Variants in FBXO25 observed in about 807,000 individuals in gnomAD.
FBXO25 encodes the protein F-box only protein 25.
In FBXO25, 45 loss-of-function variants were observed where a neutral mutation model predicts 51.9. The observed-to-expected ratio is 0.87, with a 90% CI of 0.68 to 1.11. The LOEUF (loss-of-function observed/expected upper bound fraction) is 1.11. FBXO25 is among the 50% of genes most tolerant of loss of function. FBXO25 has a pLI of 0.00. For synonymous variants in FBXO25, 199 were observed against 151.0 expected, an observed-to-expected ratio of 1.32 and a Z score of -2.33; for missense variants, 507 against 428.5, an observed-to-expected ratio of 1.18 and a Z score of -1.62.
chr8:462,245 CT>C (rs1799862693), intron 8 of FBXO25, among the ~76,000 whole-genome samples: 1 of 152,168 alleles, frequency 6.6e-6, no homozygotes, highest in East Asian at 1.9e-4. Flanking sequence ...TCTAGAGCAT[CT>C]TTTCATGAGG....
At chr8:423,896 T>G (rs1797309498) in intron 2 of FBXO25, among the ~76,000 whole-genome samples, 1 of 152,212 alleles carries the variant, frequency 6.6e-6, no homozygotes, top group Non-Finnish European at 1.5e-5. Context: ...CTGGACTGAT[T>G]TACATTCCCG....
chr8:431,468 A>G (rs1467770476), intron 3 of FBXO25, 24 bp downstream of exon 3: 1 of 1,203,938 alleles, frequency 8.3e-7, no homozygotes, highest in Non-Finnish European at 1.2e-6. Context: ...CATTAATTTT[A>G]TTTTACTTGT....
At position 469,613 on chromosome 8, in the gene FBXO25, G is replaced by C. The variant is rs1313683217; in HGVS notation, c.*809G>C. The stretch of plus-strand genomic sequence containing the variant: ...TTTTGCATCCTACTGAGAAATGTTA[G>C]TGATTTTGATACTTAAATCCTTAAA... On this transcript the variant is annotated 3_prime_UTR_variant, in exon 10 of 10. Transcript: ENST00000350302. 1 of 152,190 alleles carries C rather than the reference G, an allele frequency of 6.6e-6. No homozygotes were observed. The highest frequency in any genetic ancestry group is 1.5e-5 in the Non-Finnish European group (1 of 68,036). 9.4% of individuals were successfully genotyped at this position (152,190 alleles called of 1,614,324 possible).
intron 9 of FBXO25, among the ~76,000 whole-genome samples, 192 bp downstream of exon 9, chr8:463,342 G>C (rs930805260): frequency 6.6e-6 from 1 of 152,224 alleles, no homozygotes; most frequent in Non-Finnish European, 1.5e-5. Flanking sequence ...AACCAGAAAC[G>C]CTGAAAACCA....
intron 9 of FBXO25, among the ~76,000 whole-genome samples, chr8:467,092 T>C (rs1241080160): frequency 6.6e-6 from 1 of 152,168 alleles, no homozygotes; most frequent in East Asian, 1.9e-4. Context: ...GAGGTGTCCA[T>C]GGTCTGGTGG....
At chr8:447,585 C>G (rs910385991) in intron 5 of FBXO25, among the ~76,000 whole-genome samples, 9 of 152,070 alleles carry the variant, frequency 5.9e-5, no homozygotes, top group African/African-American at 1.9e-4. Context: ...ATCCCAAATG[C>G]TTAGAACTGG....
At chr8:435,915 G>A (rs1585045222) in intron 5 of FBXO25, among the ~76,000 whole-genome samples, 1 of 152,182 alleles carries the variant, frequency 6.6e-6, no homozygotes, top group Admixed American at 6.5e-5. Context: ...AGGTTGCAGA[G>A]CCTCAGTGGG....
At chr8:454,614 G>A (rs1260095499) in intron 7 of FBXO25, among the ~76,000 whole-genome samples, 1 of 152,188 alleles carries the variant, frequency 6.6e-6, no homozygotes, top group Admixed American at 6.5e-5. Flanking sequence ...AGAATGGGCC[G>A]GGCGCGATGG....
intron 2 of FBXO25, among the ~76,000 whole-genome samples, chr8:413,868 G>C (rs956170467): frequency 2.6e-5 from 4 of 152,314 alleles, no homozygotes; most frequent in African/African-American, 7.2e-5. Flanking sequence ...CATGTGTCCA[G>C]ATAAAAACCA....
At chr8:458,899 T>C (rs1799629207) in intron 8 of FBXO25, among the ~76,000 whole-genome samples, 1 of 152,192 alleles carries the variant, frequency 6.6e-6, no homozygotes, top group Non-Finnish European at 1.5e-5. Flanking sequence ...TTGACCAAGC[T>C]GCACATCCTT....
chr8:466,599 C>CGACACCAT (rs998113652), intron 9 of FBXO25, among the ~76,000 whole-genome samples: 9 of 152,106 alleles, frequency 5.9e-5, no homozygotes, highest in African/African-American at 2.2e-4. Flanking sequence ...GGTCATGAGC[C>CGACACCAT]GACACCATGG....
intron 2 of FBXO25, among the ~76,000 whole-genome samples, chr8:423,076 A>C (rs1797250645): frequency 6.6e-6 from 1 of 152,192 alleles, no homozygotes; most frequent in Non-Finnish European, 1.5e-5. Context: ...AGCACTACTA[A>C]CTGAAAAGCC....
At chr8:443,057 C>G (rs1372437718) in intron 5 of FBXO25, among the ~76,000 whole-genome samples, 1 of 151,838 alleles carries the variant, frequency 6.6e-6, no homozygotes, top group Non-Finnish European at 1.5e-5. Context: ...ATGGCCATTT[C>G]CATTGAAGGA....
rs1800687862 is a variant in FBXO25, at chr8:477,826, T to TTAAAAATGTAAAAATCATTC, written c.*9024_*9043dup. On this transcript the variant is annotated 3_prime_UTR_variant, in exon 10 of 10. Coordinates refer to ENST00000350302, the MANE Select transcript of FBXO25 (RefSeq NM_183420.2). ...TTACCCTTTTACATCTTTTCACTAT[T>TTAAAAATGTAAAAATCATTC]TAAAAATGTAAAAATCATTCTTAAC... 2 of 152,262 alleles carry TTAAAAATGTAAAAATCATTC rather than the reference T, an allele frequency of 1.3e-5. No homozygotes were observed. The highest frequency in any genetic ancestry group is 4.8e-5 in the African/African-American group (2 of 41,470). The allele number at this position is 152,262 out of a possible 1,614,324, so 9.4% of individuals were successfully genotyped here.
At position 451,320 on chromosome 8, in the gene FBXO25, T is replaced by G; in HGVS notation, c.527T>G (p.Leu176Arg). The G allele has an allele frequency of 6.2e-7, 1 of 1,613,088 alleles. No individual in the cohort carries two copies. The highest frequency in any genetic ancestry group is 8.5e-7 in the Non-Finnish European group (1 of 1,179,728). The change falls in exon 7 of 10, where the codon CTA becomes CGA. Residue 176 changes from leucine (L) to arginine (R), a missense_variant. Transcript: ENST00000350302. ...TTAATCAAAGATCTTCTGCAAGACC[T>G]AAGCTCTACCCTCTGCATTCTTATT... ...PRLIKDLLQD[L>R]SSTLCILIRG...
intron 2 of FBXO25, among the ~76,000 whole-genome samples, chr8:423,330 G>T (rs1174208017): frequency 3.3e-5 from 5 of 152,188 alleles, no homozygotes; most frequent in African/African-American, 4.8e-5. Context: ...GATACAGGGG[G>T]TCCATGTACA....
At chr8:444,707 G>A (rs1310055944) in intron 5 of FBXO25, among the ~76,000 whole-genome samples, 1 of 152,200 alleles carries the variant, frequency 6.6e-6, no homozygotes, top group East Asian at 1.9e-4. Context: ...GACCGACCGC[G>A]TGTAGTGTCG....
intron 5 of FBXO25, among the ~76,000 whole-genome samples, chr8:436,765 A>C (rs1480509160): frequency 6.6e-6 from 1 of 152,248 alleles, no homozygotes; most frequent in East Asian, 1.9e-4. Context: ...TCTGTTTAGC[A>C]GTAACTGTTT....
intron 2 of FBXO25, among the ~76,000 whole-genome samples, chr8:420,230 T>C (rs1797066970): frequency 6.6e-6 from 1 of 152,092 alleles, no homozygotes; most frequent in Admixed American, 6.5e-5. Context: ...CCTCATAAGG[T>C]ACCAGCAGAG....
Sources: allele counts gnomAD v4.1 joint callset (sites outside exome capture counted in the v4.1 genomes callset), GRCh38; gene constraint gnomAD v4.1.1; transcripts MANE v1.5; gene names NCBI Gene and HGNC (gene_info 2026-07-23, HGNC 2026-07-21).